The following DBT variants were observed in gnomAD, a reference collection of about 807,000 sequenced individuals.
DBT encodes the protein lipoamide acyltransferase component of branched-chain alpha-keto acid dehydrogenase complex, mitochondrial.
In DBT, 40 loss-of-function variants were observed where a neutral mutation model predicts 51.3. That is an observed-to-expected ratio of 0.78 (90% CI 0.61 to 1.02). The LOEUF (loss-of-function observed/expected upper bound fraction) is 1.02, where lower values mean the gene tolerates loss of function less well. DBT is among the 50% of genes least tolerant of loss of function. The pLI, the probability that DBT is intolerant of heterozygous loss-of-function variation, is 0.00. For synonymous variants in DBT, 181 were observed against 190.4 expected, an observed-to-expected ratio of 0.95 and a Z score of 0.41; for missense variants, 510 against 580.2, an observed-to-expected ratio of 0.88 and a Z score of 1.24.
At chr1:100,237,180 C>T (rs1663919447) in intron 2 of DBT, among the ~76,000 whole-genome samples, 1 of 152,158 alleles carries the variant, frequency 6.6e-6, no homozygotes, top group Non-Finnish European at 1.5e-5. Context: ...CCCTAAAATC[C>T]TCATGCAAGG....
chr1:100,189,285 A>G lies in DBT; in HGVS notation c.*6970T>C, dbSNP rs1398718279. ...AACCCAGGAGACGGAGGTTGCAGTG[A>G]GCAGAGCCGAGATCGCACCACTGCA... On this transcript the variant is annotated 3_prime_UTR_variant, in exon 11 of 11. Transcript: ENST00000370132. 1 of 151,110 alleles carries G rather than the reference A, an allele frequency of 6.6e-6. No individual in the cohort carries two copies. Among genetic ancestry groups the G allele is most frequent in the Non-Finnish European group, 1.5e-5 (1 of 67,922 alleles). 9.4% of individuals were successfully genotyped at this position (151,110 alleles called of 1,614,324 possible).
At chr1:100,243,448 G>A (rs569822881) in intron 1 of DBT, among the ~76,000 whole-genome samples, 1 of 151,776 alleles carries the variant, frequency 6.6e-6, no homozygotes, top group South Asian at 2.1e-4. Flanking sequence ...CCAAGTAGCT[G>A]GGACTACAGG....
chr1:100,219,196 T>G (rs1662683237), intron 4 of DBT, among the ~76,000 whole-genome samples: 1 of 151,796 alleles, frequency 6.6e-6, no homozygotes, highest in East Asian at 1.9e-4. Context: ...TACAAAAAAT[T>G]TAAAAATTAG....
intron 2 of DBT, among the ~76,000 whole-genome samples, chr1:100,238,056 G>A (rs1171907318): frequency 6.6e-6 from 1 of 152,144 alleles, no homozygotes; most frequent in Non-Finnish European, 1.5e-5. Flanking sequence ...TTTGATGTGA[G>A]ACTAGAGTCA....
At chr1:100,241,366 T>TTTG (rs947738213) in intron 1 of DBT, among the ~76,000 whole-genome samples, 38 of 144,012 alleles carry the variant, frequency 2.6e-4, no homozygotes, top group African/African-American at 9.6e-4. Flanking sequence ...CTGAAAGGTA[T>TTTG]TGTGTGTGTG....
intron 4 of DBT, among the ~76,000 whole-genome samples, chr1:100,219,948 C>A (rs1420213954): frequency 1.3e-5 from 2 of 151,990 alleles, no homozygotes; most frequent in Non-Finnish European, 2.9e-5. Context: ...AGTTCGAGAT[C>A]AGCCAGGGCA....
rs554718232 is a variant in DBT at position 100,217,441 on chromosome 1, T to A, written c.555+1185A>T. Reference sequence around the variant, plus strand: ...TACATAACATTTTATCAAGGATACATAACATAATTTGAATGTGTATGCATC... The same window carrying A: ...TACATAACATTTTATCAAGGATACAAAACATAATTTGAATGTGTATGCATC... On this transcript the variant is annotated intron_variant, in intron 5 of 10. Transcript: ENST00000370132. 2.6e-4 allele frequency among the ~76,000 whole-genome samples: 39 copies of A among 152,312 alleles called. 1 individual carries two copies. Among genetic ancestry groups the A allele is most frequent in the African/African-American group, 9.4e-4 (39 of 41,574 alleles).
intron 8 of DBT, among the ~76,000 whole-genome samples, chr1:100,209,395 C>A (rs576969617): frequency 1.3e-5 from 2 of 151,998 alleles, no homozygotes; most frequent in South Asian, 4.2e-4. Context: ...CCACCACACC[C>A]GGCCAACATC....
chr1:100,227,268 CACTGAGAATGCTGGAAAAATT>C (rs1214938662), intron 4 of DBT, among the ~76,000 whole-genome samples: 1 of 152,228 alleles, frequency 6.6e-6, no homozygotes, highest in East Asian at 1.9e-4. Context: ...CTCACACATA[CACTGAGAATGCTGGAAAAATT>C]ACTATCAGCA....
At chr1:100,199,373 A>T (rs1661299542) in intron 10 of DBT, among the ~76,000 whole-genome samples, 1 of 152,182 alleles carries the variant, frequency 6.6e-6, no homozygotes, top group African/African-American at 2.4e-5. Flanking sequence ...TAACATTTTC[A>T]ATTGGTTTTC....
At chr1:100,233,477 A>C (rs988642717) in intron 3 of DBT, among the ~76,000 whole-genome samples, 8 of 152,210 alleles carry the variant, frequency 5.3e-5, no homozygotes, top group Non-Finnish European at 1.2e-4. Context: ...ATAGAACACA[A>C]TTCTGCCCTT....
intron 10 of DBT, chr1:100,196,680 A>C: frequency 2.0e-6 from 1 of 502,272 alleles, no homozygotes; most frequent in Non-Finnish European, 3.5e-6. Flanking sequence ...ACCTACATTC[A>C]TTAACTTTCA....
chr1:100,225,040 A>T lies in DBT; in HGVS notation c.433+5693T>A, dbSNP rs1259902007. ...CTCCCCCCAAAAAAAAAAAAAAAAAAAAATATATATATACACACACACACA... is the reference window on the plus strand; with the variant it reads ...CTCCCCCCAAAAAAAAAAAAAAAAATAAATATATATATACACACACACACA... On this transcript the variant is annotated intron_variant, in intron 4 of 10. Transcript: ENST00000370132. 1.9e-5 allele frequency among the ~76,000 whole-genome samples: 2 copies of T among 106,724 alleles called. 1 individual carries two copies. Among genetic ancestry groups the T allele is most frequent in the African/African-American group, 8.2e-5 (2 of 24,534 alleles). The allele number at this position is 106,724 out of a possible 152,430, so 70.0% of individuals were successfully genotyped here.
intron 2 of DBT, among the ~76,000 whole-genome samples, chr1:100,239,629 G>A (rs555820072): frequency 7.2e-5 from 11 of 151,974 alleles, no homozygotes; most frequent in East Asian, 5.8e-4. Context: ...CCAGCCCTTC[G>A]GGAGGCAGAG....
chr1:100,219,414 C>T (rs1261396432), intron 4 of DBT, among the ~76,000 whole-genome samples: 3 of 151,792 alleles, frequency 2.0e-5, no homozygotes, highest in African/African-American at 7.3e-5. Context: ...TTATAAACAG[C>T]ACGGAATAAG....
intron 3 of DBT, among the ~76,000 whole-genome samples, chr1:100,233,394 C>A (rs1019110429): frequency 6.6e-6 from 1 of 152,164 alleles, no homozygotes; most frequent in Non-Finnish European, 1.5e-5. Flanking sequence ...TTTACCCTTA[C>A]CCAAAACCAC....
chr1:100,210,523 A>G, intron 8 of DBT, 171 bp downstream of exon 8: 1 of 913,920 alleles, frequency 1.1e-6, no homozygotes, highest in Non-Finnish European at 1.6e-6. Flanking sequence ...AGTATTATTA[A>G]CACAAAAACA....
At chr1:100,211,218 C>A in intron 7 of DBT, 1 of 701,812 alleles carries the variant, frequency 1.4e-6, no homozygotes, top group Non-Finnish European at 2.6e-6. Context: ...CCAGTAGATG[C>A]CAGTTTGCTA....
chr1:100,247,329 G>T (rs1173967686), intron 1 of DBT, among the ~76,000 whole-genome samples: 1 of 152,196 alleles, frequency 6.6e-6, no homozygotes, highest in Admixed American at 6.5e-5. Flanking sequence ...GTTAAGAAGG[G>T]CCAAGACACC....
Sources: gnomAD v4.1 joint callset for allele counts (sites outside exome capture counted in the v4.1 genomes callset) on GRCh38, gnomAD v4.1.1 for gene constraint, MANE v1.5 for transcripts, NCBI Gene and HGNC (gene_info 2026-07-23, HGNC 2026-07-21) for gene names.